The following SYTL5 variants were observed in gnomAD, a reference collection of about 807,000 sequenced individuals.
SYTL5 encodes synaptotagmin-like protein 5.
A neutral mutation model predicts 55.9 loss-of-function variants in SYTL5; 34 were observed. The ratio of observed to expected loss-of-function variants is 0.61; its 90% confidence interval spans 0.46 to 0.81. The LOEUF (loss-of-function observed/expected upper bound fraction) is 0.81, where lower values mean the gene tolerates loss of function less well. Ranked by LOEUF, SYTL5 falls within the 30% of genes least tolerant of loss-of-function variation. The pLI, the probability that SYTL5 is intolerant of heterozygous loss-of-function variation, is 0.00. For synonymous variants in SYTL5, 221 were observed against 188.7 expected, an observed-to-expected ratio of 1.17 and a Z score of -1.40; for missense variants, 637 against 546.7, an observed-to-expected ratio of 1.17 and a Z score of -1.65.
At chrX:37,960,766 T>TTTTATTTA in the SYTL5 span, among the ~76,000 whole-genome samples, 53 of 80,815 alleles carry the variant, frequency 6.6e-4, no homozygotes, top group Non-Finnish European at 9.7e-4. Context: ...TCCAGATTAT[T>TTTTATTTA]TTTATTTATT....
At chrX:38,012,209 A>C (rs1934214221) in intron 1 of SYTL5, among the ~76,000 whole-genome samples, 1 of 112,397 alleles carries the variant, frequency 8.9e-6, no homozygotes, top group African/African-American at 3.2e-5. Context: ...GTTCATGTAA[A>C]TAGACTTCAG....
chrX:37,898,055 G>A, the SYTL5 span, among the ~76,000 whole-genome samples: 2 of 110,983 alleles, frequency 1.8e-5, no homozygotes, highest in Non-Finnish European at 1.9e-5. Flanking sequence ...CCAAGATCAC[G>A]CGCCACTGCA....
At chrX:38,122,418 C>T (rs1417588523) in intron 15 of SYTL5, among the ~76,000 whole-genome samples, 8 of 111,876 alleles carry the variant, frequency 7.2e-5, no homozygotes, top group Non-Finnish European at 1.5e-4. Flanking sequence ...ACTCTGTTTC[C>T]AACATATTTC....
In SYTL5 at chrX:38,010,942, C is replaced by T. The variant is rs1170472576; in HGVS notation, c.-357+4274C>T. 3.6e-5 allele frequency among the ~76,000 whole-genome samples: 4 copies of T among 111,798 alleles called. No homozygotes were observed. The East Asian group carries it at 1.1e-3, about 31-fold the overall frequency. On this transcript the variant is annotated intron_variant, in intron 1 of 16. Coordinates refer to ENST00000297875, the MANE Select transcript of SYTL5 (RefSeq NM_138780.3). Reference sequence around the variant, plus strand: ...ACATCATCATCATCAACATCATCGCCACTACCATTTACATAAGAATAAACT... The same window carrying T: ...ACATCATCATCATCAACATCATCGCTACTACCATTTACATAAGAATAAACT...
chrX:38,060,494 C>A (rs908162743), intron 3 of SYTL5, among the ~76,000 whole-genome samples: 2 of 111,267 alleles, frequency 1.8e-5, no homozygotes, highest in Non-Finnish European at 1.9e-5. Context: ...GTTCTAGTGC[C>A]TAAAATAATG....
At chrX:37,922,235 T>C in the SYTL5 span, among the ~76,000 whole-genome samples, 10 of 111,758 alleles carry the variant, frequency 8.9e-5, no homozygotes, top group African/African-American at 2.9e-4. Flanking sequence ...AGCATGGGGA[T>C]TTTATAGAGG....
the SYTL5 span, among the ~76,000 whole-genome samples, chrX:37,913,569 T>C: frequency 2.0e-4 from 22 of 112,219 alleles, no homozygotes; most frequent in African/African-American, 6.8e-4. Context: ...TCTTTGATGT[T>C]TCAACAGGAA....
chrX:38,006,241 T>G (rs1933985005), upstream of SYTL5, among the ~76,000 whole-genome samples: 1 of 112,050 alleles, frequency 8.9e-6, no homozygotes, highest in Non-Finnish European at 1.9e-5. Context: ...CTGGCACATA[T>G]GTGTTCATTG....
chrX:38,054,584 GT>G (rs1446537637), intron 3 of SYTL5, among the ~76,000 whole-genome samples, 162 bp downstream of exon 3: 1,247 of 19,363 alleles, frequency 0.064, 28 homozygotes, highest in African/African-American at 0.38. Context: ...GGGCTCTGGG[GT>G]GTGTGTGTGT....
At chrX:37,912,821 G>T in the SYTL5 span, among the ~76,000 whole-genome samples, 1 of 111,993 alleles carries the variant, frequency 8.9e-6, no homozygotes, top group Non-Finnish European at 1.9e-5. Flanking sequence ...TGACTATTGT[G>T]GCAGGGACTT....
chrX:37,922,985 G>C, the SYTL5 span, among the ~76,000 whole-genome samples: 1 of 112,245 alleles, frequency 8.9e-6, no homozygotes, highest in East Asian at 2.8e-4. Flanking sequence ...CTAACAGAAA[G>C]TTGTCTTGTT....
the SYTL5 span, among the ~76,000 whole-genome samples, chrX:37,958,216 A>C: frequency 9.1e-6 from 1 of 110,212 alleles, no homozygotes; most frequent in South Asian, 3.9e-4. Context: ...CTCAAAAAAA[A>C]AAAAACAAAA....
intron 1 of SYTL5, among the ~76,000 whole-genome samples, chrX:38,019,554 C>G (rs1427578579): frequency 8.9e-6 from 1 of 111,776 alleles, no homozygotes; most frequent in Non-Finnish European, 1.9e-5. Context: ...TAGAGAAGCC[C>G]CTTGAAAACA....
At chrX:38,076,367 G>A (rs1936390118) in intron 5 of SYTL5, among the ~76,000 whole-genome samples, 200 bp from the exon 6 acceptor site, 1 of 111,871 alleles carries the variant, frequency 8.9e-6, no homozygotes. Flanking sequence ...ACGGTCTTGA[G>A]AGAACGGCGT....
rs528914648 is a variant in SYTL5 at position 38,105,288 on chromosome X, G to A, written c.1156-1305G>A. Among the ~76,000 whole-genome samples the A allele has an allele frequency of 2.7e-4, 30 of 112,873 alleles. No individual in the cohort carries two copies. In the South Asian group the frequency reaches 7.3e-3, roughly 28 times the overall value. On this transcript the variant is annotated intron_variant, in intron 10 of 16. Coordinates refer to ENST00000297875, the MANE Select transcript of SYTL5 (RefSeq NM_138780.3). The stretch of plus-strand genomic sequence containing the variant: ...TAATTTAGAAAGTTTATTTTGCCAC[G>A]GTTGAGGACCGGCACCCCTGACACA...
At chrX:38,038,006 G>A (rs766580730) in intron 2 of SYTL5, among the ~76,000 whole-genome samples, 32 of 111,019 alleles carry the variant, frequency 2.9e-4, no homozygotes, top group Non-Finnish European at 5.3e-4. Context: ...GAAAACTGAT[G>A]TCCCAGCCTG....
At chrX:38,043,842 G>T (rs1935379702) in intron 2 of SYTL5, among the ~76,000 whole-genome samples, 1 of 106,575 alleles carries the variant, frequency 9.4e-6, no homozygotes. Context: ...CATTTTTATT[G>T]GCTGGATAAG....
At chrX:38,100,025 A>C (rs1490454900) in intron 9 of SYTL5, among the ~76,000 whole-genome samples, 2 of 110,872 alleles carry the variant, frequency 1.8e-5, no homozygotes, top group African/African-American at 6.5e-5. Context: ...TTGGCCTGCA[A>C]TTTTCCCTTT....
chrX:37,899,190 A>T, the SYTL5 span, among the ~76,000 whole-genome samples: 4 of 111,493 alleles, frequency 3.6e-5, no homozygotes, highest in Admixed American at 2.9e-4. Flanking sequence ...ATCATTTATT[A>T]TTATTAATCT....
Sources: gnomAD v4.1 joint callset for allele counts (sites outside exome capture counted in the v4.1 genomes callset) on GRCh38, gnomAD v4.1.1 for gene constraint, MANE v1.5 for transcripts, NCBI Gene and HGNC (gene_info 2026-07-23, HGNC 2026-07-21) for gene names.